The following FRMD4A variants were observed in gnomAD, a reference collection of about 807,000 sequenced individuals.
FRMD4A encodes the protein FERM domain containing 4A.
A neutral mutation model predicts 129.1 loss-of-function variants in FRMD4A; 29 were observed. The observed-to-expected ratio is 0.22, with a 90% CI of 0.17 to 0.31. The LOEUF is 0.31. Ranked by LOEUF, FRMD4A falls within the 10% of genes least tolerant of loss-of-function variation. The pLI, the probability that FRMD4A is intolerant of heterozygous loss-of-function variation, is 1.00. For missense variants in FRMD4A, 1,272 were observed against 1,375.8 expected, an observed-to-expected ratio of 0.92 and a Z score of 1.19; for synonymous variants, 634 against 571.6, an observed-to-expected ratio of 1.11 and a Z score of -1.56.
chr10:13,883,769 C>T (rs529010465), intron 2 of FRMD4A, among the ~76,000 whole-genome samples: 10 of 152,288 alleles, frequency 6.6e-5, no homozygotes, highest in Admixed American at 1.3e-4. Context: ...AGACACACTC[C>T]GCCCTGTCTA....
At chr10:14,158,093 C>T (rs1290087443) in intron 2 of FRMD4A, among the ~76,000 whole-genome samples, 1 of 151,932 alleles carries the variant, frequency 6.6e-6, no homozygotes, top group Non-Finnish European at 1.5e-5. Context: ...CCTGCAGGGG[C>T]CTGATCATAA....
intron 2 of FRMD4A, among the ~76,000 whole-genome samples, chr10:13,971,157 C>T (rs989860554): frequency 5.3e-5 from 8 of 152,112 alleles, no homozygotes; most frequent in Admixed American, 1.3e-4. Context: ...TGCATGCATA[C>T]TCACAGGCAC....
At chr10:14,317,555 G>A (rs550984886) in intron 2 of FRMD4A, among the ~76,000 whole-genome samples, 1 of 152,210 alleles carries the variant, frequency 6.6e-6, no homozygotes, top group South Asian at 2.1e-4. Flanking sequence ...CTTCTTGAGA[G>A]CAGGGACTAG....
intron 2 of FRMD4A, chr10:14,008,347 G>T: frequency 9.7e-7 from 1 of 1,028,754 alleles, no homozygotes; most frequent in Non-Finnish European, 1.2e-6. Context: ...GAGGAGGGGG[G>T]ATGGGAAGAA....
chr10:14,039,844 T>G (rs75277322), intron 2 of FRMD4A, among the ~76,000 whole-genome samples: 1 of 152,172 alleles, frequency 6.6e-6, no homozygotes, highest in South Asian at 2.1e-4. Flanking sequence ...CAGGACCTCG[T>G]GAGGCTGTGT....
rs1839282799 is a variant in FRMD4A, at chr10:14,131,977, T to C, written c.45+198081A>G. Among the ~76,000 whole-genome samples the C allele has an allele frequency of 2.0e-5, 3 of 152,338 alleles. No individual in the cohort carries two copies. The South Asian group carries it at 6.2e-4, about 32-fold the overall frequency. ...AGTCATGCCGGCAATTTCTAATTTC[T>C]TATCCCTGACCAAAAGGCATAAAAT... On this transcript the variant is annotated intron_variant, in intron 2 of 24. Transcript: ENST00000357447.
intron 2 of FRMD4A, among the ~76,000 whole-genome samples, chr10:14,193,847 C>T (rs1454493267): frequency 6.6e-6 from 1 of 152,144 alleles, no homozygotes; most frequent in African/African-American, 2.4e-5. Flanking sequence ...TGCTCCTTTC[C>T]TAGACTTCTT....
intron 2 of FRMD4A, among the ~76,000 whole-genome samples, chr10:13,937,984 A>G (rs2095261826): frequency 6.6e-6 from 1 of 152,210 alleles, no homozygotes. Flanking sequence ...ATTCTTATAT[A>G]CCCACATGCT....
intron 2 of FRMD4A, among the ~76,000 whole-genome samples, chr10:14,208,119 C>T (rs1479816704): frequency 6.6e-6 from 1 of 152,030 alleles, no homozygotes; most frequent in Admixed American, 6.6e-5. Flanking sequence ...TGGCCTGAGC[C>T]CAGTAGATGG....
chr10:14,222,336 G>T (rs561238018), intron 2 of FRMD4A, among the ~76,000 whole-genome samples: 1 of 152,220 alleles, frequency 6.6e-6, no homozygotes, highest in Non-Finnish European at 1.5e-5. Flanking sequence ...AGCTTTGAAC[G>T]TGGAAGTAGA....
intron 2 of FRMD4A, among the ~76,000 whole-genome samples, chr10:13,922,991 A>T (rs2095090828): frequency 6.6e-6 from 1 of 152,188 alleles, no homozygotes; most frequent in African/African-American, 2.4e-5. Context: ...GTAAGAAGTG[A>T]GAAAATGGGA....
chr10:14,163,538 A>G (rs529965028), intron 2 of FRMD4A, among the ~76,000 whole-genome samples: 2 of 151,922 alleles, frequency 1.3e-5, no homozygotes, highest in Non-Finnish European at 2.9e-5. Flanking sequence ...TTGCTGGTGG[A>G]CTCTTTGTTA....
At chr10:13,784,311 T>G (rs918420195) in intron 5 of FRMD4A, among the ~76,000 whole-genome samples, 2 of 152,184 alleles carry the variant, frequency 1.3e-5, no homozygotes, top group African/African-American at 4.8e-5. Flanking sequence ...CTTCTGTTCT[T>G]CAGACCGTAA....
chr10:13,656,603 T>C (rs1237086210), intron 22 of FRMD4A, 33 bp downstream of exon 22: 1 of 1,365,372 alleles, frequency 7.3e-7, no homozygotes, highest in Non-Finnish European at 9.5e-7. Context: ...CGCCCTCAGG[T>C]CTTCCCGCGT....
In FRMD4A at chr10:14,252,916, C is replaced by G. The variant is rs57751115; in HGVS notation, c.45+77142G>C. The stretch of plus-strand genomic sequence containing the variant: ...TCTACTAACTATAAGGAAAAGCTTT[C>G]CCTTCTTCTCCATTCATTCATTCAT... On this transcript the variant is annotated intron_variant, in intron 2 of 24. Transcript: ENST00000357447. 2.3e-3 allele frequency among the ~76,000 whole-genome samples: 347 copies of G among 152,300 alleles called. 1 individual carries two copies. Among genetic ancestry groups the G allele is most frequent in the African/African-American group, 8.0e-3 (333 of 41,570 alleles).
intron 2 of FRMD4A, among the ~76,000 whole-genome samples, chr10:14,290,304 A>G (rs552115484): frequency 6.6e-6 from 1 of 152,262 alleles, no homozygotes; most frequent in Non-Finnish European, 1.5e-5. Context: ...AACTGAAGGC[A>G]TCAGACTTCC....
In FRMD4A at chr10:14,289,610, T is replaced by C. The variant is rs372808666; in HGVS notation, c.45+40448A>G. On this transcript the variant is annotated intron_variant, in intron 2 of 24. Coordinates refer to ENST00000357447, the MANE Select transcript of FRMD4A (RefSeq NM_018027.5). ...TTTTACAACAAACTAAGTATAAAAG[T>C]AATTTACCTCAACACAATAAAGTCC... Among the ~76,000 whole-genome samples the C allele has an allele frequency of 4.6e-4, 70 of 152,260 alleles. 1 individual carries two copies. In the South Asian group the frequency reaches 0.014, roughly 32 times the overall value.
At chr10:14,183,234 C>T (rs1841968593) in intron 2 of FRMD4A, among the ~76,000 whole-genome samples, 1 of 152,210 alleles carries the variant, frequency 6.6e-6, no homozygotes, top group African/African-American at 2.4e-5. Context: ...ATGTGTCATG[C>T]ACGAATGAAA....
chr10:14,108,850 G>A lies in FRMD4A; in HGVS notation c.45+221208C>T, dbSNP rs149489848. 6.0e-3 allele frequency among the ~76,000 whole-genome samples: 915 copies of A among 152,230 alleles called. 2 individuals are homozygous for A. The highest frequency in any genetic ancestry group is 0.021 in the African/African-American group (878 of 41,536). ...CATAGAAACAAAAACAAACTCAATG[G>A]GGAAAAGTAGAAAGAGGCAAGAGCA... On this transcript the variant is annotated intron_variant, in intron 2 of 24. Transcript: ENST00000357447.
Sources: allele counts gnomAD v4.1 joint callset (sites outside exome capture counted in the v4.1 genomes callset), GRCh38; gene constraint gnomAD v4.1.1; transcripts MANE v1.5; gene names NCBI Gene and HGNC (gene_info 2026-07-23, HGNC 2026-07-21).